Variants in JHY observed in about 807,000 individuals in gnomAD.
JHY encodes the protein junctional cadherin complex regulator, also known as jhy protein homolog.
A neutral mutation model predicts 78.0 loss-of-function variants in JHY; 69 were observed. The observed-to-expected ratio is 0.88, with a 90% CI of 0.73 to 1.08. The LOEUF is 1.08. Among genes scored for constraint, JHY ranks in the 50% least tolerant of loss-of-function variants. The pLI is 0.00. For synonymous variants in JHY, 368 were observed against 342.6 expected (o/e 1.07, Z -0.82); for missense variants, 944 against 927.8 (o/e 1.02, Z -0.23).
At chr11:122,895,148 A>G (rs934101444) in intron 2 of JHY, among the ~76,000 whole-genome samples, 2 of 152,256 alleles carry the variant, frequency 1.3e-5, no homozygotes, top group African/African-American at 4.8e-5. Flanking sequence ...TCCTTAAAGA[A>G]GCATTAAAAA....
intron 3 of JHY, among the ~76,000 whole-genome samples, chr11:122,906,818 G>A (rs1863004506): frequency 6.6e-6 from 1 of 152,080 alleles, no homozygotes; most frequent in African/African-American, 2.4e-5. Flanking sequence ...TGCCATGGAG[G>A]AAACTTTCTT....
chr11:122,923,762 G>A (rs1414049564), intron 3 of JHY, among the ~76,000 whole-genome samples: 1 of 151,772 alleles, frequency 6.6e-6, no homozygotes, highest in African/African-American at 2.4e-5. Context: ...CTGTCGCCCA[G>A]GCTGGAGTGC....
intron 4 of JHY, 105 bp downstream of exon 4, chr11:122,925,115 G>A: frequency 1.1e-6 from 1 of 890,626 alleles, no homozygotes; most frequent in Non-Finnish European, 1.7e-6. Flanking sequence ...TTTTATGCCT[G>A]AGAATAATTA....
intron 5 of JHY, 96 bp from the exon 6 acceptor site, chr11:122,946,399 TAAA>T (rs1300430240): frequency 1.7e-5 from 22 of 1,281,248 alleles, no homozygotes; most frequent in Non-Finnish European, 2.1e-5. Flanking sequence ...TTGAGAGTGA[TAAA>T]TACATCAAAT....
chr11:122,942,064 G>A (rs11218897), intron 5 of JHY, among the ~76,000 whole-genome samples: 482 of 152,090 alleles, frequency 3.2e-3, no homozygotes, highest in African/African-American at 0.01. Context: ...TAGAGACAGC[G>A]TTTCGCCATG....
At chr11:122,911,904 TCAAAA>T (rs1399495197) in intron 3 of JHY, among the ~76,000 whole-genome samples, 1 of 34,602 alleles carries the variant, frequency 2.9e-5, no homozygotes, top group African/African-American at 1.7e-4. Flanking sequence ...AAACTCTGTC[TCAAAA>T]AAAAAAAAAA....
At chr11:122,949,915 C>A (rs1032093296) in intron 6 of JHY, among the ~76,000 whole-genome samples, 27 of 151,318 alleles carry the variant, frequency 1.8e-4, no homozygotes, top group African/African-American at 5.8e-4. Flanking sequence ...CGGCTCACTG[C>A]AACCTCCATC....
rs1862423267 is a variant in JHY at position 122,883,268 on chromosome 11, A to G, written c.-90+296A>G. ...GACTTGTCACTTCCTGGACCTCCAA[A>G]CGCCCCTTGTGACAGGCCTTGTTCC... is the stretch of plus-strand genomic sequence containing the variant. On this transcript the variant is annotated intron_variant, in intron 1 of 8. Transcript: ENST00000227349. This position sits in a 1 kb window ranked among gnomAD's most constrained non-coding sequence, Gnocchi z 4.4. 6.6e-6 allele frequency among the ~76,000 whole-genome samples: 1 copy of G among 152,088 alleles called. No homozygotes were observed. Among genetic ancestry groups the G allele is most frequent in the Non-Finnish European group, 1.5e-5 (1 of 68,002 alleles).
At position 122,883,226 on chromosome 11, in the gene JHY, C is replaced by T. The variant is rs1344893299; in HGVS notation, c.-90+254C>T. On this transcript the variant is annotated intron_variant, in intron 1 of 8. Transcript: ENST00000227349. This position sits in a 1 kb window ranked among gnomAD's most constrained non-coding sequence, Gnocchi z 4.4. ...GTTCCCGGTCAATTAGGACCGGTCC[C>T]GGGCACCAGGCCCGCCGACTTGTCA... is the stretch of plus-strand genomic sequence containing the variant. Among the ~76,000 whole-genome samples the T allele has an allele frequency of 6.6e-6, 1 of 152,178 alleles. No individual in the cohort carries two copies. Among genetic ancestry groups the T allele is most frequent in the African/African-American group, 2.4e-5 (1 of 41,466 alleles).
At chr11:122,889,054 G>A (rs765935554) in intron 2 of JHY, among the ~76,000 whole-genome samples, 1 of 152,142 alleles carries the variant, frequency 6.6e-6, no homozygotes, top group African/African-American at 2.4e-5. Context: ...ATGGGCGACT[G>A]GACATCTTCA....
chr11:122,924,868 A>G, intron 3 of JHY, 29 bp from the exon 4 acceptor site: 1 of 1,550,136 alleles, frequency 6.5e-7, no homozygotes, highest in Non-Finnish European at 8.9e-7. Flanking sequence ...GAATCCAGTT[A>G]ACATGCTGTA....
chr11:122,903,855 T>C (rs1330205946), intron 2 of JHY, 70 bp from the exon 3 acceptor site: 1 of 1,492,440 alleles, frequency 6.7e-7, no homozygotes, highest in Non-Finnish European at 9.0e-7. Flanking sequence ...TCAAATAAAA[T>C]GTTCAACTGA....
At position 122,919,706 on chromosome 11, in the gene JHY, C is replaced by T. The variant is rs372137205; in HGVS notation, c.865-5191C>T. On this transcript the variant is annotated intron_variant, in intron 3 of 8. Coordinates refer to ENST00000227349, the MANE Select transcript of JHY (RefSeq NM_024806.4). ...TATTCAAAAGTTTCGTGGCCAGGCA[C>T]GGCGGCTCACGCCTGTAATCCCAGC... is the stretch of plus-strand genomic sequence containing the variant. 5.3e-5 allele frequency among the ~76,000 whole-genome samples: 8 copies of T among 152,150 alleles called. No homozygotes were observed. The East Asian group carries it at 5.8e-4, about 11-fold the overall frequency.
At chr11:122,945,021 C>CT (rs150263217) in intron 5 of JHY, among the ~76,000 whole-genome samples, 26 of 152,098 alleles carry the variant, frequency 1.7e-4, no homozygotes, top group South Asian at 6.2e-4. Context: ...AGATTCATCT[C>CT]TTTCATAAAT....
In JHY at chr11:122,946,755, A is replaced by T; in HGVS notation, c.1892A>T (p.Glu631Val). 1 of 1,612,936 alleles carries T rather than the reference A, an allele frequency of 6.2e-7. No individual in the cohort carries two copies. The highest frequency in any genetic ancestry group is 8.5e-7 in the Non-Finnish European group (1 of 1,179,708). Residue 631 changes from glutamate (E) to valine (V), a missense_variant, in exon 6 of 9, where the codon GAA (glutamate) becomes GTA (valine). By Grantham distance (121) the Glu-to-Val change is moderately radical. Transcript: ENST00000227349. ...SNSEGYLFQL[E>V]KGKKHKKRSS... ...TCTGAAGGCTATCTGTTTCAACTGG[A>T]AAAGGGAAAAAAGCATAAGAAAAGA...
At chr11:122,900,715 CT>C (rs1389922191) in intron 2 of JHY, among the ~76,000 whole-genome samples, 1 of 152,072 alleles carries the variant, frequency 6.6e-6, no homozygotes, top group Non-Finnish European at 1.5e-5. Flanking sequence ...ATCGACTGAG[CT>C]TCGTGTGCAT....
chr11:122,913,587 C>T lies in JHY; in HGVS notation c.864+9143C>T, dbSNP rs561079247. Among the ~76,000 whole-genome samples the T allele has an allele frequency of 2.2e-3, 342 of 152,308 alleles. 1 individual carries two copies. The highest frequency in any genetic ancestry group is 7.9e-3 in the African/African-American group (327 of 41,576). The stretch of plus-strand genomic sequence containing the variant: ...GACCCGGCATTTCCTCTAGCCCCTT[C>T]CTTGTTCATGCTCATGGGCTACTCT... On this transcript the variant is annotated intron_variant, in intron 3 of 8. Coordinates refer to ENST00000227349, the MANE Select transcript of JHY (RefSeq NM_024806.4).
chr11:122,959,266 A>G lies in JHY; in HGVS notation c.2158A>G (p.Thr720Ala). 6.2e-7 allele frequency: 1 copy of G among 1,614,136 alleles called. No individual in the cohort carries two copies. Among genetic ancestry groups the G allele is most frequent in the Non-Finnish European group, 8.5e-7 (1 of 1,180,018 alleles). Residue 720 changes from threonine to alanine, a missense_variant, in exon 9 of 9, where the codon ACC becomes GCC. Transcript: ENST00000227349. ...PRQKALEYAKTIPKPKPSNLT... is the reference protein window; with the variant it reads ...PRQKALEYAKAIPKPKPSNLT... The stretch of plus-strand genomic sequence containing the variant: ...CGTTTAGGCTTTGGAATACGCTAAG[A>G]CCATCCCCAAACCCAAACCATCAAA...
At chr11:122,955,652 C>G (rs1864175185) in intron 6 of JHY, among the ~76,000 whole-genome samples, 1 of 152,170 alleles carries the variant, frequency 6.6e-6, no homozygotes, top group Admixed American at 6.5e-5. Context: ...TGAAATCACA[C>G]TGAATGAACA....
Sources: gnomAD v4.1 joint callset for allele counts (sites outside exome capture counted in the v4.1 genomes callset) on GRCh38, gnomAD v4.1.1 for gene constraint, Gnocchi (gnomAD v3.1) non-coding constraint, MANE v1.5 for transcripts, NCBI Gene and HGNC (gene_info 2026-07-23, HGNC 2026-07-21) for gene names.